YWHAE: variants seen among roughly 807,000 people sequenced by gnomAD.
The protein encoded by YWHAE is tyrosine 3-monooxygenase/tryptophan 5-monooxygenase activation protein epsilon, also known as 14-3-3 protein epsilon.
In YWHAE, 4 loss-of-function variants were observed where a neutral mutation model predicts 30.1. The ratio of observed to expected loss-of-function variants is 0.13; its 90% CI spans 0.07 to 0.30. YWHAE has a LOEUF of 0.30. YWHAE is among the 10% of genes least tolerant of loss of function. YWHAE has a pLI of 1.00. For missense variants in YWHAE, 121 were observed against 315.9 expected (o/e 0.38, Z 4.68); for synonymous variants, 118 against 111.8 (o/e 1.06, Z -0.35).
intron 2 of YWHAE, among the ~76,000 whole-genome samples, chr17:1,362,573 C>A (rs1340354220): frequency 2.0e-5 from 3 of 152,002 alleles, no homozygotes; most frequent in African/African-American, 7.3e-5. Flanking sequence ...ATTAAAACAC[C>A]GAAAACCTAT....
At chr17:1,355,199 C>T in intron 4 of YWHAE, among the ~76,000 whole-genome samples, 1 of 121,762 alleles carries the variant, frequency 8.2e-6, no homozygotes, top group African/African-American at 3.3e-5. Context: ...CTCTATCACC[C>T]AGGCTGGAGT....
chr17:1,355,405 C>T (rs969070285), intron 4 of YWHAE, among the ~76,000 whole-genome samples: 7 of 150,646 alleles, frequency 4.6e-5, no homozygotes, highest in African/African-American at 7.3e-5. Context: ...GTGATGTGCC[C>T]GCCTCAGCCT....
chr17:1,345,648 C>T, intron 5 of YWHAE, 149 bp from the exon 6 acceptor site: 2 of 755,528 alleles, frequency 2.6e-6, no homozygotes, highest in East Asian at 2.6e-5. Context: ...TCATCCTTGA[C>T]ACCTGAGATG....
intron 2 of YWHAE, among the ~76,000 whole-genome samples, chr17:1,364,304 G>A (rs1448866525): frequency 2.0e-5 from 3 of 151,208 alleles, no homozygotes; most frequent in Non-Finnish European, 2.9e-5. Context: ...TCGGCTCACC[G>A]CAAGCTCCGC....
At chr17:1,367,738 T>TA (rs1379693848) in intron 1 of YWHAE, among the ~76,000 whole-genome samples, 2 of 152,098 alleles carry the variant, frequency 1.3e-5, no homozygotes, top group Non-Finnish European at 2.9e-5. Context: ...AACATCATAT[T>TA]AAGTGAAAAG....
rs1020091837 is a variant in YWHAE, at chr17:1,345,337, C to A, written c.*110G>T. On this transcript the variant is annotated 3_prime_UTR_variant, in exon 6 of 6. Transcript: ENST00000264335. ...CAGGGCAGGAACCTAAATTCTGAGA[C>A]CAAATGTAAAAGTCAGATTTGGTGG... 3 of 1,088,142 alleles carry A rather than the reference C, an allele frequency of 2.8e-6. No individual in the cohort carries two copies. The highest frequency in any genetic ancestry group is 2.9e-5 in the South Asian group (2 of 69,896). 67.4% of individuals were successfully genotyped at this position (1,088,142 alleles called of 1,614,324 possible).
rs2072818414 is a variant in YWHAE at position 1,359,533 on chromosome 17, C to G, written c.578+1559G>C. ...AATTCAGTCACTAAAAGGACTGAAG[C>G]TCTGATCCATGCTTTTACATGGATA... is the stretch of plus-strand genomic sequence containing the variant. On this transcript the variant is annotated intron_variant, in intron 4 of 5. Coordinates refer to ENST00000264335, the MANE Select transcript of YWHAE (RefSeq NM_006761.5). 2.0e-5 allele frequency among the ~76,000 whole-genome samples: 3 copies of G among 152,010 alleles called. No homozygotes were observed. In the South Asian group the frequency reaches 6.2e-4, roughly 32 times the overall value.
intron 1 of YWHAE, among the ~76,000 whole-genome samples, chr17:1,384,448 T>C (rs568731118): frequency 2.6e-5 from 4 of 151,236 alleles, no homozygotes; most frequent in Admixed American, 6.6e-5. Flanking sequence ...TCCCAGCACT[T>C]TGGGAGGCCA....
At chr17:1,365,125 T>C (rs1386628686) in intron 1 of YWHAE, 67 bp from the exon 2 acceptor site, 6 of 1,519,800 alleles carry the variant, frequency 3.9e-6, no homozygotes, top group Admixed American at 2.2e-5. Context: ...CCTTTCAAAG[T>C]AGTTTTTTTC....
At chr17:1,347,640 G>A (rs1457422663) in intron 5 of YWHAE, among the ~76,000 whole-genome samples, 3 of 152,146 alleles carry the variant, frequency 2.0e-5, no homozygotes, top group South Asian at 2.1e-4. Flanking sequence ...GTATTCAAAC[G>A]TAGGAAACAT....
intron 1 of YWHAE, among the ~76,000 whole-genome samples, chr17:1,370,668 T>G (rs1370515228): frequency 6.6e-6 from 1 of 152,000 alleles, no homozygotes; most frequent in African/African-American, 2.4e-5. Flanking sequence ...TGACCTCAGG[T>G]GATCTGCCTA....
intron 1 of YWHAE, among the ~76,000 whole-genome samples, chr17:1,393,703 T>C (rs960447053): frequency 3.3e-5 from 5 of 152,246 alleles, no homozygotes; most frequent in African/African-American, 1.2e-4. Context: ...AGTGCTGGGA[T>C]TGCAGGTGTT....
intron 5 of YWHAE, among the ~76,000 whole-genome samples, chr17:1,353,252 C>T (rs1292568187): frequency 2.0e-5 from 3 of 150,900 alleles, no homozygotes; most frequent in Non-Finnish European, 4.4e-5. Context: ...ACCTGGCTAA[C>T]ACAGTGAAAC....
intron 1 of YWHAE, among the ~76,000 whole-genome samples, chr17:1,370,891 T>C (rs1246549930): frequency 6.6e-6 from 1 of 150,634 alleles, no homozygotes; most frequent in Non-Finnish European, 1.5e-5. Context: ...TCCCAGCTAC[T>C]CAGGAGGCTG....
In YWHAE at chr17:1,394,614, AT is replaced by A. The variant is rs1042877633; in HGVS notation, c.64+5432del. On this transcript the variant is annotated intron_variant, in intron 1 of 5. Coordinates refer to ENST00000264335, the MANE Select transcript of YWHAE (RefSeq NM_006761.5). Reference sequence around the variant, plus strand: ...AAGCAAGACCCTGTTTCAAAAAAAAATTTTTTTTTAATTTAGCCTTCCCATA... The same window carrying A: ...AAGCAAGACCCTGTTTCAAAAAAAAATTTTTTTTAATTTAGCCTTCCCATA... 7.3e-5 allele frequency among the ~76,000 whole-genome samples: 11 copies of A among 151,472 alleles called. 1 individual carries two copies. In the South Asian group the frequency reaches 8.4e-4, roughly 12 times the overall value.
intron 1 of YWHAE, among the ~76,000 whole-genome samples, chr17:1,390,107 G>C (rs1447282657): frequency 6.6e-6 from 1 of 152,102 alleles, no homozygotes; most frequent in Non-Finnish European, 1.5e-5. Context: ...GCCTCCCAAA[G>C]TGCTGGGATT....
intron 1 of YWHAE, among the ~76,000 whole-genome samples, chr17:1,371,387 GGT>G (rs2073040223): frequency 6.6e-6 from 1 of 151,784 alleles, no homozygotes; most frequent in African/African-American, 2.4e-5. Flanking sequence ...ACCCAACCTC[GGT>G]GCATTTTCAA....
At chr17:1,390,854 A>T (rs2073379289) in intron 1 of YWHAE, among the ~76,000 whole-genome samples, 1 of 152,196 alleles carries the variant, frequency 6.6e-6, no homozygotes, top group South Asian at 2.1e-4. Flanking sequence ...AGGGCAATAA[A>T]TTCAAGATAA....
chr17:1,381,053 T>C (rs1264483598), intron 1 of YWHAE, among the ~76,000 whole-genome samples: 3 of 152,190 alleles, frequency 2.0e-5, no homozygotes, highest in Non-Finnish European at 2.9e-5. Flanking sequence ...AAGGGGAAAG[T>C]TGTTCCCCAT....
Sources: gnomAD v4.1 joint callset for allele counts (sites outside exome capture counted in the v4.1 genomes callset) on GRCh38, gnomAD v4.1.1 for gene constraint, MANE v1.5 for transcripts, NCBI Gene and HGNC (gene_info 2026-07-23, HGNC 2026-07-21) for gene names.